The following WDR72 variants were observed in gnomAD, a reference collection of about 807,000 sequenced individuals.
WDR72 encodes WD repeat-containing protein 72.
In WDR72, 120 loss-of-function variants were observed where a neutral mutation model predicts 124.2. That is an observed-to-expected ratio of 0.97 (90% CI 0.83 to 1.12). WDR72 has a LOEUF of 1.12. WDR72 is among the 50% of genes most tolerant of loss of function. The pLI is 0.00. For missense variants in WDR72, 1,387 were observed against 1,278.8 expected (o/e 1.08, Z -1.29); for synonymous variants, 452 against 441.7 (o/e 1.02, Z -0.29).
chr15:53,632,488 G>A (rs1014885440), intron 14 of WDR72, among the ~76,000 whole-genome samples: 15 of 152,090 alleles, frequency 9.9e-5, no homozygotes, highest in South Asian at 2.1e-4. Context: ...GAAATGGGGG[G>A]TTGAAGCCCC....
At position 53,619,776 on chromosome 15, in the gene WDR72, G is replaced by T. The variant is rs150387020; in HGVS notation, c.1963-3533C>A. On this transcript the variant is annotated intron_variant, in intron 14 of 19. Transcript: ENST00000360509. Reference sequence around the variant, plus strand: ...AGCCTTCTCCAACCTGTCTGGAATTGTGCTCTCGTTTTGCTTTTTACCTCT... The same window carrying T: ...AGCCTTCTCCAACCTGTCTGGAATTTTGCTCTCGTTTTGCTTTTTACCTCT... Among the ~76,000 whole-genome samples the T allele has an allele frequency of 1.9e-3, 295 of 152,100 alleles. 1 individual carries two copies. The highest frequency in any genetic ancestry group is 6.9e-3 in the African/African-American group (287 of 41,520).
intron 18 of WDR72, among the ~76,000 whole-genome samples, chr15:53,551,971 A>G (rs528311715): frequency 1.3e-5 from 2 of 152,252 alleles, no homozygotes; most frequent in South Asian, 4.1e-4. Flanking sequence ...TTTTGAGATC[A>G]GAGTGGGAAA....
intron 18 of WDR72, among the ~76,000 whole-genome samples, chr15:53,524,558 A>G (rs4318154): frequency 0.87 from 131,856 of 152,026 alleles, 57,248 homozygotes; most frequent in East Asian, 0.91. Flanking sequence ...TATTTTAATG[A>G]AGTGTGCATA....
chr15:53,599,958 T>C (rs925582937), intron 17 of WDR72, among the ~76,000 whole-genome samples: 7 of 151,962 alleles, frequency 4.6e-5, no homozygotes, highest in Non-Finnish European at 8.8e-5. Flanking sequence ...AACTATAGAA[T>C]AAAATAGATT....
chr15:53,736,449 A>G (rs901886721), intron 1 of WDR72, among the ~76,000 whole-genome samples: 2 of 152,194 alleles, frequency 1.3e-5, no homozygotes, highest in African/African-American at 4.8e-5. Flanking sequence ...GAGCTCACAT[A>G]ATGAGGTTCC....
intron 18 of WDR72, among the ~76,000 whole-genome samples, chr15:53,558,467 C>T (rs1386837468): frequency 6.6e-6 from 1 of 151,994 alleles, no homozygotes; most frequent in Non-Finnish European, 1.5e-5. Flanking sequence ...ACAATTGAAA[C>T]TTCATTAAAT....
chr15:53,651,778 G>A (rs1320925568), intron 14 of WDR72, among the ~76,000 whole-genome samples: 2 of 151,998 alleles, frequency 1.3e-5, no homozygotes, highest in South Asian at 2.1e-4. Flanking sequence ...TCAGCCTCCC[G>A]AGTAGCTGGG....
chr15:53,714,335 G>T, intron 6 of WDR72, 99 bp downstream of exon 6: 3 of 963,876 alleles, frequency 3.1e-6, no homozygotes, highest in East Asian at 2.6e-5. Flanking sequence ...TATGTTATTT[G>T]AACTTTTGAC....
chr15:53,673,768 T>C (rs1443290164), intron 13 of WDR72, among the ~76,000 whole-genome samples: 12 of 152,146 alleles, frequency 7.9e-5, no homozygotes, highest in Admixed American at 6.5e-4. Flanking sequence ...GGTGGGTGGA[T>C]CACCTGAGGT....
intron 17 of WDR72, among the ~76,000 whole-genome samples, chr15:53,606,605 T>A (rs769665292): frequency 5.1e-4 from 78 of 152,146 alleles, no homozygotes; most frequent in Non-Finnish European, 2.9e-4. Context: ...AACTAGGTAA[T>A]GTGATGATGA....
chr15:53,726,353 AG>A (rs1284780894), intron 2 of WDR72, among the ~76,000 whole-genome samples: 1 of 45,422 alleles, frequency 2.2e-5, no homozygotes, highest in Non-Finnish European at 3.8e-5. Context: ...GTGTGTTGGG[AG>A]GGGGGCGGGG....
chr15:53,638,307 G>C (rs567374485), intron 14 of WDR72, among the ~76,000 whole-genome samples: 19 of 152,302 alleles, frequency 1.2e-4, no homozygotes, highest in African/African-American at 4.3e-4. Context: ...AGATATTCCA[G>C]TGCCTTAGCA....
chr15:53,654,007 C>A (rs1433381143), intron 14 of WDR72, among the ~76,000 whole-genome samples: 1 of 152,144 alleles, frequency 6.6e-6, no homozygotes, highest in South Asian at 2.1e-4. Flanking sequence ...GAAATCAACA[C>A]AAAATTACCA....
intron 14 of WDR72, among the ~76,000 whole-genome samples, chr15:53,661,177 C>T (rs990945519): frequency 2.0e-5 from 3 of 152,136 alleles, no homozygotes; most frequent in South Asian, 4.1e-4. Context: ...CTATCTGGTC[C>T]TTTCTAAGCC....
intron 13 of WDR72, among the ~76,000 whole-genome samples, chr15:53,693,878 C>T (rs1009550487): frequency 6.6e-6 from 1 of 152,140 alleles, no homozygotes; most frequent in Non-Finnish European, 1.5e-5. Context: ...ACAGAAACCA[C>T]GTCATAATCA....
chr15:53,741,660 A>C (rs576881908), intron 1 of WDR72, among the ~76,000 whole-genome samples: 89 of 152,262 alleles, frequency 5.8e-4, no homozygotes, highest in Non-Finnish European at 8.8e-4. Context: ...ATTTAGAGCA[A>C]GTGGCCTTGG....
chr15:53,649,649 G>T (rs1174143215), intron 14 of WDR72, among the ~76,000 whole-genome samples: 2 of 151,922 alleles, frequency 1.3e-5, no homozygotes, highest in African/African-American at 2.4e-5. Flanking sequence ...CTCCAAAAAA[G>T]ATATACAAAT....
intron 3 of WDR72, among the ~76,000 whole-genome samples, chr15:53,721,355 C>G (rs2017871599): frequency 6.6e-6 from 1 of 152,138 alleles, no homozygotes. Context: ...ACCTTTTTCT[C>G]AGTTAGCTAT....
At chr15:53,706,346 GTGTGTATATATATATATATATATA>G (rs1459955262) in intron 9 of WDR72, among the ~76,000 whole-genome samples, 14,450 of 98,028 alleles carry the variant, frequency 0.15, 1,093 homozygotes, top group Middle Eastern at 0.2. Flanking sequence ...GTGTGTGTGT[GTGTGTATATATATATATATATATA>G]TATATATATA....
Sources: allele counts gnomAD v4.1 joint callset (sites outside exome capture counted in the v4.1 genomes callset), GRCh38; gene constraint gnomAD v4.1.1; transcripts MANE v1.5; gene names NCBI Gene and HGNC (gene_info 2026-07-23, HGNC 2026-07-21).